The following EZR variants were observed in gnomAD, a reference collection of about 807,000 sequenced individuals.
EZR encodes the protein ezrin, also known as cytovillin 2.
EZR carries 40 observed loss-of-function variants against 74.8 expected under a neutral mutation model. The ratio of observed to expected loss-of-function variants is 0.53; its 90% confidence interval spans 0.42 to 0.70. The LOEUF (loss-of-function observed/expected upper bound fraction) is 0.70. Ranked by LOEUF, EZR falls within the 30% of genes least tolerant of loss-of-function variation. The pLI is 0.00. For missense variants in EZR, 678 were observed against 755.8 expected, an observed-to-expected ratio of 0.90 and a Z score of 1.21; for synonymous variants, 341 against 283.3, an observed-to-expected ratio of 1.20 and a Z score of -2.05.
intron 2 of EZR, among the ~76,000 whole-genome samples, chr6:158,808,246 G>A (rs2128576206): frequency 6.6e-6 from 1 of 152,312 alleles, no homozygotes; most frequent in Admixed American, 6.5e-5. Flanking sequence ...AGGCTGCCAG[G>A]TGGAGGCTGT....
chr6:158,802,542 G>GT (rs781767123), intron 2 of EZR, among the ~76,000 whole-genome samples: 128 of 152,170 alleles, frequency 8.4e-4, no homozygotes, highest in Non-Finnish European at 1.4e-3. Context: ...TGTTTTGTTT[G>GT]TTTTTTGAGG....
intron 2 of EZR, among the ~76,000 whole-genome samples, chr6:158,807,706 A>G (rs558514583): frequency 6.6e-6 from 1 of 152,176 alleles, no homozygotes; most frequent in Non-Finnish European, 1.5e-5. Context: ...AATTTACAGT[A>G]GCACGCTCAC....
At chr6:158,803,530 TATATATATATATATGTATATATATATATA>T (rs1777237022) in intron 2 of EZR, among the ~76,000 whole-genome samples, 3 of 68,194 alleles carry the variant, frequency 4.4e-5, no homozygotes, top group Non-Finnish European at 7.1e-5. Context: ...TGTAACATTA[TATATATATATATATGTATATATATATATA>T]TATATATATA....
chr6:158,814,552 T>C (rs1327927617), intron 2 of EZR, among the ~76,000 whole-genome samples: 1 of 151,178 alleles, frequency 6.6e-6, no homozygotes, highest in East Asian at 1.9e-4. Context: ...AGTCTTTTTT[T>C]TTTTTTTTTT....
At chr6:158,797,038 TATTTTCCTC>T (rs935578685) in intron 2 of EZR, among the ~76,000 whole-genome samples, 1 of 152,250 alleles carries the variant, frequency 6.6e-6, no homozygotes, top group African/African-American at 2.4e-5. Flanking sequence ...ATTTCCCAGG[TATTTTCCTC>T]ATTTTGGTAA....
At chr6:158,772,537 C>T (rs1021106460) in intron 8 of EZR, among the ~76,000 whole-genome samples, 2 of 152,204 alleles carry the variant, frequency 1.3e-5, no homozygotes, top group African/African-American at 4.8e-5. Context: ...AGACCACAAC[C>T]AGAGGAGCCT....
intron 2 of EZR, among the ~76,000 whole-genome samples, chr6:158,793,405 T>C (rs1639195452): frequency 6.6e-6 from 1 of 151,558 alleles, no homozygotes; most frequent in African/African-American, 2.4e-5. Context: ...ACAGTTTTAA[T>C]ATATATATAT....
At chr6:158,812,548 G>A (rs1279385759) in intron 2 of EZR, among the ~76,000 whole-genome samples, 1 of 152,126 alleles carries the variant, frequency 6.6e-6, no homozygotes, top group Non-Finnish European at 1.5e-5. Flanking sequence ...GGTATGTACG[G>A]TGTGTACATA....
chr6:158,813,211 G>A (rs146564038), intron 2 of EZR, among the ~76,000 whole-genome samples: 2 of 152,232 alleles, frequency 1.3e-5, no homozygotes, highest in Non-Finnish European at 2.9e-5. Flanking sequence ...CTTTGCACAC[G>A]TTGTTACCTC....
At chr6:158,791,737 C>A (rs1248917861) in intron 2 of EZR, among the ~76,000 whole-genome samples, 1 of 73,136 alleles carries the variant, frequency 1.4e-5, no homozygotes, top group South Asian at 4.7e-4. Flanking sequence ...GAGACAGAGT[C>A]TTTCTCTGTC....
intron 8 of EZR, among the ~76,000 whole-genome samples, chr6:158,774,939 G>A (rs1791228134): frequency 6.6e-6 from 1 of 151,802 alleles, no homozygotes; most frequent in Admixed American, 6.6e-5. Context: ...TGCTGCCATG[G>A]AGCCTTAGAG....
chr6:158,796,866 G>A (rs1194950993), intron 2 of EZR, among the ~76,000 whole-genome samples: 2 of 152,158 alleles, frequency 1.3e-5, no homozygotes, highest in African/African-American at 4.8e-5. Context: ...GAATATAGTT[G>A]GGAAAACATG....
chr6:158,797,855 C>A (rs1031462839), intron 2 of EZR, among the ~76,000 whole-genome samples: 3 of 152,130 alleles, frequency 2.0e-5, no homozygotes, highest in Non-Finnish European at 2.9e-5. Context: ...ATAAAATTTA[C>A]CCATGGAAAA....
At chr6:158,774,683 ACACACACAC>A (rs1791218215) in intron 8 of EZR, among the ~76,000 whole-genome samples, 1 of 51,542 alleles carries the variant, frequency 1.9e-5, no homozygotes, top group African/African-American at 5.9e-5. Flanking sequence ...ACACACACAC[ACACACACAC>A]ACACACACAC....
intron 8 of EZR, among the ~76,000 whole-genome samples, chr6:158,774,073 G>A (rs1337589676): frequency 2.6e-5 from 4 of 152,232 alleles, no homozygotes; most frequent in African/African-American, 9.6e-5. Context: ...GAAACCGCCT[G>A]GGGTGAAGAT....
intron 2 of EZR, among the ~76,000 whole-genome samples, chr6:158,812,931 C>T (rs1295633842): frequency 6.6e-6 from 1 of 152,178 alleles, no homozygotes; most frequent in Non-Finnish European, 1.5e-5. Flanking sequence ...GTTCCCACCA[C>T]CACCACCTTG....
intron 2 of EZR, among the ~76,000 whole-genome samples, chr6:158,800,598 C>G (rs772855392): frequency 1.3e-5 from 2 of 152,130 alleles, no homozygotes; most frequent in Non-Finnish European, 2.9e-5. Flanking sequence ...ACCAGCAGTT[C>G]GAGACCAGCC....
intron 8 of EZR, among the ~76,000 whole-genome samples, chr6:158,775,349 G>A (rs1202759839): frequency 1.3e-5 from 2 of 152,122 alleles, no homozygotes; most frequent in Non-Finnish European, 2.9e-5. Context: ...TTTTAACAAA[G>A]AAGAAAATAC....
rs577964668 is a variant in EZR, at chr6:158,780,499, C to T, written c.698+3021G>A. Among the ~76,000 whole-genome samples the T allele has an allele frequency of 5.3e-5, 8 of 152,242 alleles. 1 individual carries two copies. The South Asian group carries it at 1.5e-3, about 28-fold the overall frequency. On this transcript the variant is annotated intron_variant, in intron 7 of 13. Coordinates refer to ENST00000367075, the MANE Select transcript of EZR (RefSeq NM_001111077.2). ...ACGGAAAGAGACGTGAGAAAGCAAGCGAAGCCCTGAGTACCTATCCGCAAG... is the reference window on the plus strand; with the variant it reads ...ACGGAAAGAGACGTGAGAAAGCAAGTGAAGCCCTGAGTACCTATCCGCAAG...
Sources: gnomAD v4.1 joint callset for allele counts (sites outside exome capture counted in the v4.1 genomes callset) on GRCh38, gnomAD v4.1.1 for gene constraint, MANE v1.5 for transcripts, NCBI Gene and HGNC (gene_info 2026-07-23, HGNC 2026-07-21) for gene names.